BMPR1B: variants seen among roughly 807,000 people sequenced by gnomAD.
The protein encoded by BMPR1B is bone morphogenetic protein receptor type 1B.
In BMPR1B, 12 loss-of-function variants were observed where a neutral mutation model predicts 59.1. The ratio of observed to expected loss-of-function variants is 0.20; its 90% CI spans 0.13 to 0.33. The LOEUF (loss-of-function observed/expected upper bound fraction) is 0.33, where lower values mean the gene tolerates loss of function less well. BMPR1B is among the 10% of genes least tolerant of loss of function. The pLI, the probability that BMPR1B is intolerant of heterozygous loss-of-function variation, is 1.00. For missense variants in BMPR1B, 550 were observed against 610.9 expected (o/e 0.90, Z 1.05); for synonymous variants, 237 against 207.3 (o/e 1.14, Z -1.23).
chr4:94,827,066 G>A (rs2110663912), intron 1 of BMPR1B, among the ~76,000 whole-genome samples: 1 of 152,140 alleles, frequency 6.6e-6, no homozygotes. Context: ...AATCTAATTT[G>A]GCTCATTAGG....
chr4:95,137,081 A>T (rs928244471), intron 10 of BMPR1B, among the ~76,000 whole-genome samples: 18 of 152,272 alleles, frequency 1.2e-4, no homozygotes, highest in African/African-American at 4.3e-4. Flanking sequence ...CACTGCTTTA[A>T]ATGTGTCCCA....
chr4:94,853,778 A>G (rs1056997424), intron 1 of BMPR1B, among the ~76,000 whole-genome samples: 2 of 152,186 alleles, frequency 1.3e-5, no homozygotes, highest in African/African-American at 4.8e-5. Flanking sequence ...CAAAAGCACT[A>G]AACCTGAAGA....
At chr4:94,931,600 G>T (rs12649080) in intron 2 of BMPR1B, among the ~76,000 whole-genome samples, 2,749 of 152,040 alleles carry the variant, frequency 0.018, 257 homozygotes, top group Admixed American at 0.15. Flanking sequence ...CTACTGGAGT[G>T]TGTTTTGTTT....
intron 1 of BMPR1B, among the ~76,000 whole-genome samples, chr4:94,772,934 G>A (rs1231078361): frequency 6.6e-6 from 1 of 151,974 alleles, no homozygotes; most frequent in East Asian, 1.9e-4. Flanking sequence ...CATATAATAA[G>A]GAAGGACTAG....
chr4:94,819,578 G>A (rs1297250194), intron 1 of BMPR1B, among the ~76,000 whole-genome samples: 1 of 152,164 alleles, frequency 6.6e-6, no homozygotes, highest in Admixed American at 6.5e-5. Flanking sequence ...CACTTAAACA[G>A]CTGCTTACTC....
At position 94,952,729 on chromosome 4, in the gene BMPR1B, A is replaced by G. The variant is rs1230474321; in HGVS notation, c.-112-43311A>G. On this transcript the variant is annotated intron_variant, in intron 2 of 12. Coordinates refer to ENST00000515059, the MANE Select transcript of BMPR1B (RefSeq NM_001203.3). Reference sequence around the variant, plus strand: ...TGCTATGTGGTGCTGAGAAGGGTGTATATTCTGTTGATTTGGGGTGGAGAG... The same window carrying G: ...TGCTATGTGGTGCTGAGAAGGGTGTGTATTCTGTTGATTTGGGGTGGAGAG... 2.0e-5 allele frequency among the ~76,000 whole-genome samples: 3 copies of G among 152,194 alleles called. 1 individual carries two copies. The highest frequency in any genetic ancestry group is 6.8e-3 in the Middle Eastern group (2 of 294).
At position 95,125,033 on chromosome 4, in the gene BMPR1B, ATGAAACTTACAT is replaced by A; in HGVS notation, c.499_510del (p.Glu167_Ile170del). 6.2e-7 allele frequency: 1 copy of A among 1,613,780 alleles called. No individual in the cohort carries two copies. ...CGATACAGCATTGGGTTAGAACAGG[ATGAAACTTACAT>A]TCCTCCTGGAGAATCCCTGAGAGAC... On this transcript the variant is annotated inframe_deletion, in exon 8 of 13. Coordinates refer to ENST00000515059, the MANE Select transcript of BMPR1B (RefSeq NM_001203.3).
intron 1 of BMPR1B, among the ~76,000 whole-genome samples, chr4:94,846,876 G>T (rs1175604431): frequency 6.6e-6 from 1 of 151,590 alleles, no homozygotes; most frequent in Non-Finnish European, 1.5e-5. Context: ...AAACTCTCTA[G>T]GACATAGGAC....
At chr4:94,807,826 A>AG (rs1389328213) in intron 1 of BMPR1B, among the ~76,000 whole-genome samples, 3 of 152,120 alleles carry the variant, frequency 2.0e-5, no homozygotes, top group African/African-American at 7.2e-5. Flanking sequence ...CTGGGATTAC[A>AG]GGCGCCTGCC....
rs1454996850 is a variant in BMPR1B, at chr4:94,794,494, C to T, written c.-183+36426C>T. Among the ~76,000 whole-genome samples the T allele has an allele frequency of 7.2e-5, 10 of 138,706 alleles. 1 individual carries two copies. The highest frequency in any genetic ancestry group is 1.7e-4 in the African/African-American group (6 of 34,618). The allele number at this position is 138,706 out of a possible 152,430, so 91.0% of individuals were successfully genotyped here. ...TTCTTTTGGCTTAGGATTGACTTGG[C>T]GATGCGGGCTCTTTTTTGGTTCCAT... On this transcript the variant is annotated intron_variant, in intron 1 of 12. Coordinates refer to ENST00000515059, the MANE Select transcript of BMPR1B (RefSeq NM_001203.3).
chr4:95,114,628 T>A (rs569273646), intron 4 of BMPR1B, 92 bp from the exon 5 acceptor site: 1 of 1,067,644 alleles, frequency 9.4e-7, no homozygotes, highest in South Asian at 1.3e-5. Flanking sequence ...ACACATCACT[T>A]ATTTCCTTTT....
In BMPR1B at chr4:95,064,534, T is replaced by C. The variant is rs191954404; in HGVS notation, c.-17-39874T>C. ...AAATTGTCTTCCACAAAACTGGTCT[T>C]TGGTGCCGCAAAGACTGAGGACTGC... is the stretch of plus-strand genomic sequence containing the variant. On this transcript the variant is annotated intron_variant, in intron 3 of 12. Transcript: ENST00000515059. Among the ~76,000 whole-genome samples the C allele has an allele frequency of 6.8e-4, 103 of 152,236 alleles. 1 individual carries two copies. The highest frequency in any genetic ancestry group is 3.4e-3 in the Middle Eastern group (1 of 294).
intron 2 of BMPR1B, among the ~76,000 whole-genome samples, chr4:94,992,071 T>C (rs1323267936): frequency 6.6e-6 from 1 of 152,120 alleles, no homozygotes; most frequent in Non-Finnish European, 1.5e-5. Flanking sequence ...TGCCCTCTCC[T>C]CCCAAAACCT....
intron 2 of BMPR1B, among the ~76,000 whole-genome samples, chr4:94,981,229 G>A (rs944076373): frequency 1.6e-4 from 24 of 151,238 alleles, no homozygotes; most frequent in Admixed American, 1.4e-3. Flanking sequence ...TTTGAGATGA[G>A]GGTATGCTCT....
chr4:94,812,995 C>CT (rs34150265), intron 1 of BMPR1B, among the ~76,000 whole-genome samples: 36 of 148,640 alleles, frequency 2.4e-4, no homozygotes, highest in South Asian at 1.7e-3. Flanking sequence ...ATAGTTTAAG[C>CT]TTTTTTTTTT....
intron 2 of BMPR1B, among the ~76,000 whole-genome samples, chr4:94,918,155 G>A (rs1333745989): frequency 6.6e-6 from 1 of 151,946 alleles, no homozygotes; most frequent in Non-Finnish European, 1.5e-5. Flanking sequence ...CTAGTCTCTA[G>A]TATTTCTTTA....
At chr4:94,971,715 T>G (rs1730799014) in intron 2 of BMPR1B, among the ~76,000 whole-genome samples, 1 of 151,982 alleles carries the variant, frequency 6.6e-6, no homozygotes, top group South Asian at 2.1e-4. Context: ...TCTATAAATT[T>G]CAAGATTAAT....
intron 2 of BMPR1B, among the ~76,000 whole-genome samples, chr4:94,993,727 C>T (rs938829824): frequency 3.6e-5 from 5 of 139,774 alleles, no homozygotes; most frequent in Non-Finnish European, 1.5e-5. Context: ...TGTCACTGCG[C>T]TCCAGCCTGG....
At chr4:94,773,958 G>A (rs1426465067) in intron 1 of BMPR1B, among the ~76,000 whole-genome samples, 1 of 152,014 alleles carries the variant, frequency 6.6e-6, no homozygotes, top group Non-Finnish European at 1.5e-5. Context: ...TTCTGTGATT[G>A]TTTAAATGTT....
Sources: allele counts gnomAD v4.1 joint callset (sites outside exome capture counted in the v4.1 genomes callset), GRCh38; gene constraint gnomAD v4.1.1; transcripts MANE v1.5; gene names NCBI Gene and HGNC (gene_info 2026-07-23, HGNC 2026-07-21).